Variants in PGM3 observed in about 807,000 individuals in gnomAD.
The protein encoded by PGM3 is phosphoacetylglucosamine mutase.
PGM3 carries 40 observed loss-of-function variants against 66.2 expected under a neutral mutation model. The observed-to-expected ratio is 0.60, with a 90% CI of 0.47 to 0.79. The LOEUF is 0.79. Ranked by LOEUF, PGM3 falls within the 30% of genes least tolerant of loss-of-function variation. The pLI is 0.00. For missense variants in PGM3, 537 were observed against 643.4 expected (o/e 0.83, Z 1.79); for synonymous variants, 191 against 224.2 (o/e 0.85, Z 1.32).
At chr6:83,191,958 C>CAAA (rs1219337174) in intron 1 of PGM3, among the ~76,000 whole-genome samples, 53 of 39,296 alleles carry the variant, frequency 1.3e-3, no homozygotes, top group African/African-American at 1.5e-3. Flanking sequence ...GACTCGGTCT[C>CAAA]AAAAAAAAAA....
intron 4 of PGM3, 101 bp downstream of exon 4, chr6:83,186,907 T>C (rs898331604): frequency 1.5e-5 from 9 of 607,400 alleles, no homozygotes; most frequent in Non-Finnish European, 2.0e-5. Flanking sequence ...CATTTTTTGT[T>C]CATCTGTATT....
chr6:83,148,730 G>A, the PGM3 span: 1 of 1,407,200 alleles, frequency 7.1e-7, no homozygotes, highest in Non-Finnish European at 9.6e-7. Context: ...GTTTATTGTG[G>A]CTTTTGTATA....
chr6:83,153,325 T>C, the PGM3 span: 1 of 425,612 alleles, frequency 2.3e-6, no homozygotes, highest in Non-Finnish European at 4.1e-6. Context: ...TTATATCCTA[T>C]AGTAACAATG....
chr6:83,155,538 C>T, the PGM3 span, among the ~76,000 whole-genome samples: 2 of 152,036 alleles, frequency 1.3e-5, no homozygotes, highest in Non-Finnish European at 2.9e-5. Context: ...ACAAGCAAGA[C>T]AGTGTGGCTA....
intron 1 of PGM3, among the ~76,000 whole-genome samples, chr6:83,192,127 G>A (rs1789154094): frequency 6.6e-6 from 1 of 151,962 alleles, no homozygotes; most frequent in Non-Finnish European, 1.5e-5. Context: ...GTAGCCTGGC[G>A]TGGTGGTGCG....
intron 7 of PGM3, among the ~76,000 whole-genome samples, chr6:83,179,534 T>C (rs530386284): frequency 6.6e-6 from 1 of 152,258 alleles, no homozygotes; most frequent in East Asian, 1.9e-4. Flanking sequence ...CACAGAACTG[T>C]CATCAAAGTT....
At chr6:83,159,891 A>G (rs373490487), downstream of PGM3, 16 of 1,614,092 alleles carry the variant, frequency 9.9e-6, no homozygotes, top group Admixed American at 6.7e-5. Flanking sequence ...TTAAACCTCT[A>G]TCTCTCTGCT....
downstream of PGM3, chr6:83,160,045 T>A: frequency 7.4e-7 from 1 of 1,342,416 alleles, no homozygotes; most frequent in East Asian, 2.3e-5. Context: ...TTAAAAAGTT[T>A]TTTGTGTAAG....
At chr6:83,191,213 G>T (rs1162076965) in intron 1 of PGM3, 199 bp from the exon 2 acceptor site, 1 of 1,534,920 alleles carries the variant, frequency 6.5e-7, no homozygotes, top group Non-Finnish European at 8.7e-7. Context: ...AACTTGGTAT[G>T]TCCACTCCTG....
Position 83,179,068 on chromosome 6 carries a change from T to C in PGM3, c.946-312A>G, listed in dbSNP as rs1787981441. Among the ~76,000 whole-genome samples the C allele has an allele frequency of 2.6e-5, 4 of 152,296 alleles. 1 individual carries two copies. In the South Asian group the frequency reaches 8.3e-4, roughly 32 times the overall value. On this transcript the variant is annotated intron_variant, in intron 7 of 12. Coordinates refer to ENST00000513973, the MANE Select transcript of PGM3 (RefSeq NM_015599.3). ...GCTCACGCCTGTAATCCCAGCACTC[T>C]GGGAGGCCAAGGTGGGTGGATCACC...
chr6:83,152,935 G>A, the PGM3 span, among the ~76,000 whole-genome samples: 2 of 152,022 alleles, frequency 1.3e-5, no homozygotes, highest in Non-Finnish European at 2.9e-5. Context: ...GGGTGGAGGT[G>A]ATCTAAAGCC....
At position 83,188,673 on chromosome 6, in the gene PGM3, G is replaced by A. The variant is rs769298662; in HGVS notation, c.330C>T (p.Ser110=). 67 of 1,613,336 alleles carry A rather than the reference G, an allele frequency of 4.2e-5. No individual in the cohort carries two copies. Among genetic ancestry groups the A allele is most frequent in the Middle Eastern group, 1.6e-4 (1 of 6,084 alleles). Reference sequence around the variant, plus strand: ...GTTGCAGATTCACAGCTTCTTTCTCGCTGATGTCAATAAGCACTCTCTGCA... The same window carrying A: ...GTTGCAGATTCACAGCTTCTTTCTCACTGATGTCAATAAGCACTCTCTGCA... ...QDMQRVLIDI[S]EKEAVNLQQD... is the part of the protein sequence containing the mutation. The change falls in exon 3 of 13, where the codon AGC becomes AGT. Residue 110 remains serine (S), a synonymous_variant. Transcript: ENST00000513973.
chr6:83,166,222 A>ACGAC lies in PGM3; in HGVS notation c.*3008_*3011dup. The ACGAC allele has an allele frequency of 2.0e-6, 1 of 507,814 alleles. No homozygotes were observed. The highest frequency in any genetic ancestry group is 3.2e-4 in the Middle Eastern group (1 of 3,078). The allele number at this position is 507,814 out of a possible 1,614,324, so 31.5% of individuals were successfully genotyped here. On this transcript the variant is annotated 3_prime_UTR_variant, in exon 13 of 13. Transcript: ENST00000513973. ...CTTTTCAATTTGCTTCAAATGCCGA[A>ACGAC]CGACCATAAAATGGTCAACATTGAG...
At chr6:83,161,216 T>G (rs898177026), downstream of PGM3, 3 of 152,124 alleles carry the variant, frequency 2.0e-5, no homozygotes, top group Admixed American at 6.5e-5. Context: ...CAAAATCAGT[T>G]TATCCTCTTT....
chr6:83,157,123 A>T, downstream of PGM3: 1 of 1,556,210 alleles, frequency 6.4e-7, no homozygotes, highest in Non-Finnish European at 8.7e-7. Context: ...CCGACAATAT[A>T]GAAAGTTTTA....
chr6:83,158,203 ATGTTAGCCAGGATGGTCTC>A, downstream of PGM3, among the ~76,000 whole-genome samples: 1 of 152,166 alleles, frequency 6.6e-6, no homozygotes, highest in South Asian at 2.1e-4. Context: ...GGGTTTCAGC[ATGTTAGCCAGGATGGTCTC>A]GATCTCCTGA....
intron 5 of PGM3, among the ~76,000 whole-genome samples, chr6:83,182,541 C>T (rs1185714208): frequency 1.3e-5 from 2 of 152,102 alleles, no homozygotes; most frequent in Non-Finnish European, 2.9e-5. Context: ...CCAACAGCAC[C>T]TACATTAACT....
At chr6:83,173,293 T>C (rs1484833157) in intron 10 of PGM3, among the ~76,000 whole-genome samples, 1 of 148,508 alleles carries the variant, frequency 6.7e-6, no homozygotes, top group African/African-American at 2.5e-5. Flanking sequence ...ATGAAAGGTA[T>C]AACAAAGAAT....
chr6:83,176,256 G>A, intron 8 of PGM3, 196 bp from the exon 9 acceptor site: 2 of 471,554 alleles, frequency 4.2e-6, no homozygotes, highest in South Asian at 3.5e-5. Context: ...CGCAGCCAAG[G>A]GTAAAGCACG....
Sources: allele counts gnomAD v4.1 joint callset (sites outside exome capture counted in the v4.1 genomes callset), GRCh38; gene constraint gnomAD v4.1.1; transcripts MANE v1.5; gene names NCBI Gene and HGNC (gene_info 2026-07-23, HGNC 2026-07-21).